DCAF6: variants seen among roughly 807,000 people sequenced by gnomAD.
The protein encoded by DCAF6 is DDB1- and CUL4-associated factor 6.
A neutral mutation model predicts 125.1 loss-of-function variants in DCAF6; 54 were observed. The observed-to-expected ratio is 0.43, with a 90% CI of 0.35 to 0.54. The LOEUF is 0.54. Ranked by LOEUF, DCAF6 falls within the 20% of genes least tolerant of loss-of-function variation. DCAF6 has a pLI of 0.01. For missense variants in DCAF6, 934 were observed against 1,161.7 expected (o/e 0.80, Z 2.85); for synonymous variants, 371 against 390.4 (o/e 0.95, Z 0.58).
the DCAF6 span, chr1:167,896,476 G>T: frequency 1.2e-6 from 1 of 830,626 alleles, no homozygotes; most frequent in African/African-American, 1.7e-5. Flanking sequence ...TTGTGTGCTG[G>T]TAAGGACCAG....
At chr1:167,949,695 C>T (rs763300492) in intron 1 of DCAF6, among the ~76,000 whole-genome samples, 9 of 152,126 alleles carry the variant, frequency 5.9e-5, no homozygotes, top group Non-Finnish European at 1.0e-4. Flanking sequence ...GTGTCTTTTG[C>T]TAGCATCCAA....
chr1:168,062,467 C>G (rs185066622), intron 17 of DCAF6, among the ~76,000 whole-genome samples: 131 of 152,202 alleles, frequency 8.6e-4, no homozygotes, highest in Non-Finnish European at 1.8e-3. Context: ...TCAGTAATGC[C>G]TGTTTTCCTG....
chr1:167,956,788 T>C (rs1023345502), intron 2 of DCAF6, among the ~76,000 whole-genome samples: 7 of 152,192 alleles, frequency 4.6e-5, no homozygotes, highest in Non-Finnish European at 2.9e-5. Context: ...CAAAATACTT[T>C]TTAATTTATT....
chr1:168,024,901 A>G (rs1443658921), intron 12 of DCAF6, among the ~76,000 whole-genome samples: 1 of 152,090 alleles, frequency 6.6e-6, no homozygotes, highest in African/African-American at 2.4e-5. Context: ...GTATTACTAT[A>G]AGGTTTTCTG....
the DCAF6 span, chr1:167,901,769 T>C: frequency 6.2e-7 from 1 of 1,614,218 alleles, no homozygotes; most frequent in Non-Finnish European, 8.5e-7. Flanking sequence ...TTTCAGCTGC[T>C]TTCGCTCCAC....
rs7543994 is a variant in DCAF6 at position 168,030,761 on chromosome 1, T to G, written c.1610-7610T>G. The stretch of plus-strand genomic sequence containing the variant: ...ATAGCAGTCTGCAGAGGCCAGGACT[T>G]GTGTCTTAAATCTTTTGTAAAACAA... On this transcript the variant is annotated intron_variant, in intron 12 of 21. Coordinates refer to ENST00000367840, the MANE Select transcript of DCAF6 (RefSeq NM_001198956.2). Among the ~76,000 whole-genome samples the G allele has an allele frequency of 5.0e-3, 759 of 152,344 alleles. 5 individuals are homozygous for G. The highest frequency in any genetic ancestry group is 0.017 in the African/African-American group (717 of 41,578).
Position 168,038,231 on chromosome 1 carries a change from A to G in DCAF6, c.1610-140A>G, listed in dbSNP as rs16860012. On this transcript the variant is annotated intron_variant, in intron 12 of 21. Transcript: ENST00000367840. ...AGTATTTCCACAACACATGCCTTCAAACTTTAAATGAAACCCATAACAGAT... is the reference window on the plus strand; with the variant it reads ...AGTATTTCCACAACACATGCCTTCAGACTTTAAATGAAACCCATAACAGAT... 3,350 of 630,064 alleles carry G rather than the reference A, an allele frequency of 5.3e-3. 75 individuals are homozygous for G. In the African/African-American group the frequency reaches 0.057, roughly 11 times the overall value. The allele number at this position is 630,064 out of a possible 1,614,324, so 39.0% of individuals were successfully genotyped here.
At chr1:167,995,393 T>C (rs1681495791) in intron 7 of DCAF6, among the ~76,000 whole-genome samples, 1 of 152,174 alleles carries the variant, frequency 6.6e-6, no homozygotes, top group Non-Finnish European at 1.5e-5. Flanking sequence ...TAAATTATGC[T>C]TGTTGGCCGG....
At chr1:167,870,541 C>A in the DCAF6 span, 1 of 807,854 alleles carries the variant, frequency 1.2e-6, no homozygotes, top group Non-Finnish European at 2.0e-6. Flanking sequence ...TCCTGTAATC[C>A]CAGCACTTTG....
At chr1:167,883,446 C>T in the DCAF6 span, 1 of 1,614,192 alleles carries the variant, frequency 6.2e-7, no homozygotes, top group Non-Finnish European at 8.5e-7. Context: ...CCTTGTCAAA[C>T]ATGAAGACTT....
chr1:167,886,025 C>T, the DCAF6 span, among the ~76,000 whole-genome samples: 3 of 152,068 alleles, frequency 2.0e-5, no homozygotes, highest in African/African-American at 4.8e-5. Flanking sequence ...GAACTACAAA[C>T]CACTGCTCAA....
At chr1:167,908,660 A>G in the DCAF6 span, among the ~76,000 whole-genome samples, 1 of 152,232 alleles carries the variant, frequency 6.6e-6, no homozygotes, top group Non-Finnish European at 1.5e-5. Flanking sequence ...TACACCATAA[A>G]TATGTACACT....
At chr1:168,036,061 C>CA (rs890090461) in intron 12 of DCAF6, among the ~76,000 whole-genome samples, 9 of 151,226 alleles carry the variant, frequency 6.0e-5, no homozygotes, top group African/African-American at 1.7e-4. Context: ...GCCTCCATCT[C>CA]AAAAAAAATA....
At chr1:167,972,924 A>G (rs1355963324) in intron 3 of DCAF6, among the ~76,000 whole-genome samples, 1 of 152,226 alleles carries the variant, frequency 6.6e-6, no homozygotes, top group Non-Finnish European at 1.5e-5. Flanking sequence ...TGAAGCAGTG[A>G]GGCTCCTGCT....
chr1:167,901,807 T>C, the DCAF6 span: 1 of 1,614,196 alleles, frequency 6.2e-7, no homozygotes, highest in Non-Finnish European at 8.5e-7. Context: ...GTGCATCACC[T>C]TCAGAGAGAG....
the DCAF6 span, among the ~76,000 whole-genome samples, chr1:167,874,387 C>T: frequency 6.6e-6 from 1 of 151,912 alleles, no homozygotes; most frequent in Non-Finnish European, 1.5e-5. Flanking sequence ...GAAGAAGGAG[C>T]TCAACCACAT....
the DCAF6 span, chr1:167,899,307 C>A: frequency 9.7e-7 from 1 of 1,027,064 alleles, no homozygotes. Context: ...AGACTGACCC[C>A]ATCCCAATCT....
chr1:167,974,755 G>T, intron 3 of DCAF6, 75 bp from the exon 4 acceptor site: 1 of 1,151,952 alleles, frequency 8.7e-7, no homozygotes, highest in Admixed American at 2.7e-5. Flanking sequence ...TGTATTACTG[G>T]CTATGATTAT....
chr1:167,979,833 G>A (rs1262544102), intron 4 of DCAF6, among the ~76,000 whole-genome samples: 1 of 152,084 alleles, frequency 6.6e-6, no homozygotes, highest in African/African-American at 2.4e-5. Flanking sequence ...GATGCAGTGA[G>A]CTGAGATCAT....
Sources: allele counts gnomAD v4.1 joint callset (sites outside exome capture counted in the v4.1 genomes callset), GRCh38; gene constraint gnomAD v4.1.1; transcripts MANE v1.5; gene names NCBI Gene and HGNC (gene_info 2026-07-23, HGNC 2026-07-21).